TRRAP: variants seen among roughly 807,000 people sequenced by gnomAD.
The protein encoded by TRRAP is transformation/transcription domain-associated protein.
Under a neutral mutation model 438.8 loss-of-function variants are expected in TRRAP, and 41 were observed. The ratio of observed to expected loss-of-function variants is 0.09; its 90% CI spans 0.07 to 0.12. TRRAP has a LOEUF of 0.12. Among genes scored for constraint, TRRAP ranks in the 10% least tolerant of loss-of-function variants. The probability of loss-of-function intolerance (pLI) is 1.00; values close to 1 mark genes in which losing one functional copy is unlikely to be tolerated. For synonymous variants in TRRAP, 1,994 were observed against 1,962.9 expected (o/e 1.02, Z -0.42); for missense variants, 3,122 against 5,055.1 (o/e 0.62, Z 11.60).
chr7:99,010,905 C>A, intron 70 of TRRAP, 147 bp from the exon 71 acceptor site: 1 of 843,144 alleles, frequency 1.2e-6, no homozygotes, highest in Non-Finnish European at 1.9e-6. Flanking sequence ...CTTCAGTCTC[C>A]TAACAATGCG....
chr7:98,899,745 A>G lies in TRRAP; in HGVS notation c.778A>G (p.Ile260Val). ...GCCCTTGATCATGAACACCATTGCC[A>G]TTCAGGTGTCTGCACAAGCGAGGTG... ...FVPLIMNTIAIQVSAQARQHK... is the reference protein window; with the variant it reads ...FVPLIMNTIAVQVSAQARQHK... Residue 260 changes from isoleucine (I) to valine (V), a missense_variant, in exon 10 of 73, where the codon ATT (isoleucine) becomes GTT (valine). By Grantham distance (29) the Ile-to-Val change is conservative (BLOSUM62 3). Coordinates refer to ENST00000456197, the MANE Select transcript of TRRAP (RefSeq NM_001375524.1). The G allele has an allele frequency of 1.2e-6, 2 of 1,614,172 alleles. No individual in the cohort carries two copies. Among genetic ancestry groups the G allele is most frequent in the Non-Finnish European group, 1.7e-6 (2 of 1,180,020 alleles).
intron 11 of TRRAP, among the ~76,000 whole-genome samples, chr7:98,901,624 C>A (rs143451560): frequency 1.3e-5 from 2 of 152,362 alleles, no homozygotes; most frequent in Non-Finnish European, 2.9e-5. Flanking sequence ...TCTCAACTCA[C>A]TGTAGCCTCT....
At chr7:98,933,587 A>AG (rs1437295781) in intron 27 of TRRAP, among the ~76,000 whole-genome samples, 185 bp downstream of exon 27, 14 of 152,070 alleles carry the variant, frequency 9.2e-5, no homozygotes, top group Non-Finnish European at 4.4e-5. Flanking sequence ...GGCGGAAGGG[A>AG]GGTATGGCCA....
intron 53 of TRRAP, among the ~76,000 whole-genome samples, chr7:98,975,608 T>C (rs1267806807): frequency 6.6e-6 from 1 of 152,238 alleles, no homozygotes; most frequent in East Asian, 1.9e-4. Flanking sequence ...TCCGTTCCAG[T>C]CCGTTCCATT....
At chr7:98,943,755 A>G (rs1377547417) in intron 31 of TRRAP, among the ~76,000 whole-genome samples, 2 of 152,194 alleles carry the variant, frequency 1.3e-5, no homozygotes, top group East Asian at 3.8e-4. Flanking sequence ...CTGTCCTCGC[A>G]GTGGAATTGC....
Position 98,976,435 on chromosome 7 carries a change from T to G in TRRAP, c.7960-48T>G, listed in dbSNP as rs747904725. Reference sequence around the variant, plus strand: ...CTTGCATCGAGAGAGACAGCAAGACTTGCCGATTTTTGAATGAAGGCCTAA... The same window carrying G: ...CTTGCATCGAGAGAGACAGCAAGACGTGCCGATTTTTGAATGAAGGCCTAA... On this transcript the variant is annotated intron_variant, in intron 54 of 72. Transcript: ENST00000456197. The surrounding 1 kb of genome is among the most constrained non-coding windows in gnomAD (Gnocchi z 4.6). The G allele has an allele frequency of 6.3e-7, 1 of 1,585,914 alleles. No individual in the cohort carries two copies.
At chr7:98,944,612 A>G (rs1790959171) in intron 31 of TRRAP, among the ~76,000 whole-genome samples, 1 of 152,148 alleles carries the variant, frequency 6.6e-6, no homozygotes, top group Admixed American at 6.5e-5. Context: ...GGGCCCAGAG[A>G]CAACAGGGCC....
intron 4 of TRRAP, among the ~76,000 whole-genome samples, chr7:98,892,204 G>A (rs973969194): frequency 6.6e-6 from 1 of 152,200 alleles, no homozygotes; most frequent in African/African-American, 2.4e-5. Flanking sequence ...TTGGTACAGA[G>A]TTGTAGAAAT....
At chr7:98,904,539 T>G (rs1356509396) in intron 12 of TRRAP, among the ~76,000 whole-genome samples, 1 of 151,438 alleles carries the variant, frequency 6.6e-6, no homozygotes, top group Non-Finnish European at 1.5e-5. Context: ...GTCACCTCCT[T>G]CCCGTTACTG....
chr7:98,932,671 T>G (rs968250619), intron 26 of TRRAP, among the ~76,000 whole-genome samples: 1 of 152,230 alleles, frequency 6.6e-6, no homozygotes, highest in African/African-American at 2.4e-5. Context: ...CATGAAAATT[T>G]GTATAATCTC....
At chr7:98,959,318 C>T (rs766958708) in intron 44 of TRRAP, 26 bp from the exon 45 acceptor site, 22 of 1,610,260 alleles carry the variant, frequency 1.4e-5, no homozygotes, top group South Asian at 4.4e-5. Context: ...AGTGAAATGC[C>T]GGCTGTAACT....
At chr7:98,998,706 C>G (rs1164235921) in intron 67 of TRRAP, 1 of 173,266 alleles carries the variant, frequency 5.8e-6, no homozygotes, top group African/African-American at 2.4e-5. Context: ...ATCCACCTCA[C>G]TTCTCTATGT....
At chr7:99,003,940 G>A (rs1304599172) in intron 67 of TRRAP, among the ~76,000 whole-genome samples, 1 of 152,142 alleles carries the variant, frequency 6.6e-6, no homozygotes, top group Non-Finnish European at 1.5e-5. Context: ...AAGCCTGGTG[G>A]CGGGTGCCTG....
chr7:98,930,506 A>G, intron 24 of TRRAP, 127 bp from the exon 25 acceptor site: 2 of 1,232,232 alleles, frequency 1.6e-6, no homozygotes, highest in South Asian at 2.8e-5. Context: ...TGAACCTGGG[A>G]GATGGAGGTT....
chr7:98,881,444 C>T (rs782190132), intron 2 of TRRAP, among the ~76,000 whole-genome samples, 194 bp downstream of exon 2: 1 of 151,938 alleles, frequency 6.6e-6, no homozygotes, highest in Non-Finnish European at 1.5e-5. Flanking sequence ...TGGTGGCTCA[C>T]GCCTGTAGTC....
At chr7:98,890,503 G>C in intron 4 of TRRAP, 58 bp downstream of exon 4, 1 of 1,274,782 alleles carries the variant, frequency 7.8e-7, no homozygotes, top group Middle Eastern at 2.0e-4. Context: ...GACCAGTTAC[G>C]AATTAACTCA....
At chr7:98,879,623 G>C (rs1467498693) in intron 1 of TRRAP, among the ~76,000 whole-genome samples, 1 of 152,220 alleles carries the variant, frequency 6.6e-6, no homozygotes, top group African/African-American at 2.4e-5. Flanking sequence ...AGATGGGGAA[G>C]GGGGTGTCAC....
chr7:98,963,807 G>A (rs564247956), intron 47 of TRRAP, among the ~76,000 whole-genome samples: 3 of 152,142 alleles, frequency 2.0e-5, no homozygotes, highest in Non-Finnish European at 4.4e-5. Context: ...AGGGCCAGGT[G>A]CAGTAACTCA....
intron 20 of TRRAP, 115 bp downstream of exon 20, chr7:98,917,794 T>A: frequency 7.3e-7 from 1 of 1,362,472 alleles, no homozygotes; most frequent in Non-Finnish European, 9.8e-7. Context: ...GCTCTCTGTT[T>A]AATTCATCTT....
Sources: gnomAD v4.1 joint callset for allele counts (sites outside exome capture counted in the v4.1 genomes callset) on GRCh38, gnomAD v4.1.1 for gene constraint, Gnocchi (gnomAD v3.1) non-coding constraint, MANE v1.5 for transcripts, NCBI Gene and HGNC (gene_info 2026-07-23, HGNC 2026-07-21) for gene names.